C18orf54: variants seen among roughly 807,000 people sequenced by gnomAD.
The protein encoded by C18orf54 is lung adenoma susceptibility protein 2.
In C18orf54, 49 loss-of-function variants were observed where a neutral mutation model predicts 49.3. The ratio of observed to expected loss-of-function variants is 0.99; its 90% confidence interval spans 0.79 to 1.26. C18orf54 has a LOEUF of 1.26. Among genes scored for constraint, C18orf54 ranks in the 50% most tolerant of loss-of-function variants. C18orf54 has a pLI of 0.00. For missense variants in C18orf54, 687 were observed against 620.6 expected (o/e 1.11, Z -1.14); for synonymous variants, 211 against 216.6 (o/e 0.97, Z 0.23).
At chr18:54,361,005 A>G in intron 3 of C18orf54, 150 bp downstream of exon 3, 2 of 759,994 alleles carry the variant, frequency 2.6e-6, no homozygotes, top group Non-Finnish European at 4.2e-6. Context: ...TAAAATGATT[A>G]TATAATTCTC....
At chr18:54,373,858 C>T (rs1207403148) in intron 7 of C18orf54, among the ~76,000 whole-genome samples, 3 of 151,784 alleles carry the variant, frequency 2.0e-5, no homozygotes, top group African/African-American at 7.2e-5. Context: ...AATTTCTGTC[C>T]TTACATTCTA....
In C18orf54 at chr18:54,372,408, C is replaced by T. The variant is rs2089501351; in HGVS notation, c.1327-58C>T. The stretch of plus-strand genomic sequence containing the variant: ...TTGGGGAAATTAATACAAAATAAAA[C>T]TCTTCTTTCCCTGAGCTTGGATGGT... On this transcript the variant is annotated intron_variant, in intron 6 of 8. Coordinates refer to ENST00000620105, the MANE Select transcript of C18orf54 (RefSeq NM_001288980.2). 4.4e-6 allele frequency: 6 copies of T among 1,353,892 alleles called. No homozygotes were observed. The South Asian group carries it at 1.0e-4, about 23-fold the overall frequency. The allele number at this position is 1,353,892 out of a possible 1,614,324, so 83.9% of individuals were successfully genotyped here.
At position 54,361,843 on chromosome 18, in the gene C18orf54, T is replaced by C. The variant is rs200996716; in HGVS notation, c.484T>C (p.Leu162=). 4.9e-5 allele frequency: 79 copies of C among 1,614,060 alleles called. No individual in the cohort carries two copies. The South Asian group carries it at 5.8e-4, about 12-fold the overall frequency. ...NKKCRGRLGS[L]DIEKNPHFQG... ...GAAATGCCGTGGAAGACTGGGTTCA[T>C]TGGACATTGAGAAGAATCCACATTT... The change falls in exon 4 of 9, where the codon TTG becomes CTG. Residue 162 remains leucine (L), a synonymous_variant. Coordinates refer to ENST00000620105, the MANE Select transcript of C18orf54 (RefSeq NM_001288980.2).
chr18:54,360,222 T>G (rs1405406162), intron 2 of C18orf54, among the ~76,000 whole-genome samples: 1 of 152,140 alleles, frequency 6.6e-6, no homozygotes, highest in Non-Finnish European at 1.5e-5. Context: ...TCATAAGTAG[T>G]TTTTAGGACT....
rs16958125 is a variant in C18orf54 at position 54,374,411 on chromosome 18, C to T, written c.1529+127C>T. ...CTAGGCATATTTAAGCTTCTTGGAG[C>T]ACACTGTTTACACTAAAAAACATTG... On this transcript the variant is annotated intron_variant, in intron 8 of 8. Coordinates refer to ENST00000620105, the MANE Select transcript of C18orf54 (RefSeq NM_001288980.2). 26,021 of 943,162 alleles carry T rather than the reference C, an allele frequency of 0.028. 4,795 individuals are homozygous for T. In the African/African-American group the frequency reaches 0.47, roughly 17 times the overall value. 58.4% of individuals were successfully genotyped at this position (943,162 alleles called of 1,614,324 possible).
intron 2 of C18orf54, among the ~76,000 whole-genome samples, chr18:54,359,505 G>T (rs542612297): frequency 6.6e-6 from 1 of 152,248 alleles, no homozygotes; most frequent in East Asian, 1.9e-4. Flanking sequence ...TATTTAATTA[G>T]AAAACTTTCG....
chr18:54,378,762 A>C lies in C18orf54; in HGVS notation c.*516A>C, dbSNP rs1599356405. ...AGTCTGTTACTTTGAAATTTTCATA[A>C]ATTTAATATTTAAGATACATTGTAT... On this transcript the variant is annotated 3_prime_UTR_variant, in exon 9 of 9. Coordinates refer to ENST00000620105, the MANE Select transcript of C18orf54 (RefSeq NM_001288980.2). The C allele has an allele frequency of 6.6e-6, 1 of 152,338 alleles. No individual in the cohort carries two copies. The highest frequency in any genetic ancestry group is 1.9e-4 in the East Asian group (1 of 5,190). 9.4% of individuals were successfully genotyped at this position (152,338 alleles called of 1,614,324 possible).
At chr18:54,362,623 T>C (rs952043390) in intron 4 of C18orf54, 148 bp from the exon 5 acceptor site, 19 of 905,320 alleles carry the variant, frequency 2.1e-5, no homozygotes, top group Non-Finnish European at 3.1e-5. Context: ...TTTTTTTCTT[T>C]GCTTGAAATG....
At chr18:54,376,421 A>G (rs560902401) in intron 8 of C18orf54, among the ~76,000 whole-genome samples, 1 of 151,318 alleles carries the variant, frequency 6.6e-6, no homozygotes, top group African/African-American at 2.4e-5. Context: ...CTTGTCTCAA[A>G]CTCCTGACCT....
intron 6 of C18orf54, among the ~76,000 whole-genome samples, chr18:54,368,101 A>G (rs2089419075): frequency 6.6e-6 from 1 of 151,666 alleles, no homozygotes; most frequent in Non-Finnish European, 1.5e-5. Flanking sequence ...ATTTGGTCAA[A>G]TTATCTGTCT....
chr18:54,359,768 G>A (rs2089225350), intron 2 of C18orf54, among the ~76,000 whole-genome samples: 1 of 152,126 alleles, frequency 6.6e-6, no homozygotes, highest in African/African-American at 2.4e-5. Flanking sequence ...CTGTACTGAG[G>A]TAGACAGGGA....
chr18:54,363,670 T>A (rs1248060449), intron 5 of C18orf54, among the ~76,000 whole-genome samples: 2 of 152,194 alleles, frequency 1.3e-5, no homozygotes, highest in African/African-American at 4.8e-5. Context: ...AGTTGTTGTT[T>A]TCCTTAAATG....
chr18:54,373,398 G>A (rs2089521710), intron 7 of C18orf54, among the ~76,000 whole-genome samples: 1 of 151,650 alleles, frequency 6.6e-6, no homozygotes, highest in African/African-American at 2.4e-5. Context: ...ACTTTTTGTG[G>A]AGAACATGTA....
Position 54,362,891 on chromosome 18 carries a change from A to G in C18orf54, c.1193A>G (p.Asp398Gly). ...SPCSLDKLEA[D>G]RSWENIPVTF... ...TGCTCATTAGATAAACTTGAAGCAG[A>G]CAGATCATGGGAAAATATTCCTGTT... The change falls in exon 5 of 9, where the codon GAC becomes GGC. Residue 398 changes from aspartate (D) to glycine (G), a missense_variant. Transcript: ENST00000620105. 1 of 1,606,482 alleles carries G rather than the reference A, an allele frequency of 6.2e-7. No homozygotes were observed. The highest frequency in any genetic ancestry group is 8.5e-7 in the Non-Finnish European group (1 of 1,178,502).
intron 8 of C18orf54, among the ~76,000 whole-genome samples, chr18:54,377,788 C>A (rs1335664547): frequency 6.6e-6 from 1 of 152,096 alleles, no homozygotes; most frequent in African/African-American, 2.4e-5. Flanking sequence ...TACTTCTTAA[C>A]TAATATACAC....
rs530382764 is a variant in C18orf54, at chr18:54,378,270, C to T, written c.*24C>T. The T allele has an allele frequency of 1.6e-4, 256 of 1,591,352 alleles. 2 individuals are homozygous for T. The South Asian group carries it at 2.6e-3, about 16-fold the overall frequency. On this transcript the variant is annotated 3_prime_UTR_variant, in exon 9 of 9. Coordinates refer to ENST00000620105, the MANE Select transcript of C18orf54 (RefSeq NM_001288980.2). ...GAAGAGGAAAATGAAACTGTCACCA[C>T]AATGAATAGTCACCACAGAACAAAT...
At chr18:54,369,337 C>G (rs1160116011) in intron 6 of C18orf54, among the ~76,000 whole-genome samples, 3 of 151,932 alleles carry the variant, frequency 2.0e-5, no homozygotes, top group Non-Finnish European at 2.9e-5. Context: ...CATGATAATC[C>G]TTTCATTATC....
intron 6 of C18orf54, among the ~76,000 whole-genome samples, chr18:54,372,156 T>C (rs113655156): frequency 1.6e-4 from 25 of 152,002 alleles, no homozygotes; most frequent in Non-Finnish European, 3.4e-4. Context: ...TCATTTCATT[T>C]ACAATTTGTG....
At chr18:54,362,554 T>C in intron 4 of C18orf54, 123 bp downstream of exon 4, 1 of 938,008 alleles carries the variant, frequency 1.1e-6, no homozygotes, top group South Asian at 1.9e-5. Context: ...TACATCTTTT[T>C]GGAATGCTTA....
Sources: gnomAD v4.1 joint callset for allele counts (sites outside exome capture counted in the v4.1 genomes callset) on GRCh38, gnomAD v4.1.1 for gene constraint, MANE v1.5 for transcripts, NCBI Gene and HGNC (gene_info 2026-07-23, HGNC 2026-07-21) for gene names.